Variants in CNTN2 observed in about 807,000 individuals in gnomAD.
CNTN2 encodes contactin-2.
A neutral mutation model predicts 117.5 loss-of-function variants in CNTN2; 53 were observed. The ratio of observed to expected loss-of-function variants is 0.45; its 90% CI spans 0.36 to 0.57. The LOEUF (loss-of-function observed/expected upper bound fraction) is 0.57. Ranked by LOEUF, CNTN2 falls within the 20% of genes least tolerant of loss-of-function variation. The probability of loss-of-function intolerance (pLI) is 0.00; values close to 1 mark genes in which losing one functional copy is unlikely to be tolerated. For missense variants in CNTN2, 1,106 were observed against 1,404.3 expected (o/e 0.79, Z 3.39); for synonymous variants, 530 against 561.7 (o/e 0.94, Z 0.80).
At position 205,070,506 on chromosome 1, in the gene CNTN2, C is replaced by T; in HGVS notation, c.2512C>T (p.Gln838Ter). The change falls in exon 19 of 23, where the codon CAG becomes TAG. Residue 838 changes from glutamine (Q) to a stop codon, truncating the protein, a stop_gained. Coordinates refer to ENST00000331830, the MANE Select transcript of CNTN2 (RefSeq NM_005076.5). LOFTEE classifies it high-confidence loss of function. The stretch of plus-strand genomic sequence containing the variant: ...GAACGTGACCTGGGAACCCGTGCAG[C>T]AGGACATGAATGGTATCCTCCTGGG... ...EMNVTWEPVQ[Q>*]DMNGILLGYE... The T allele has an allele frequency of 6.2e-7, 1 of 1,613,940 alleles. No individual in the cohort carries two copies.
At chr1:205,064,901 C>T in intron 12 of CNTN2, 151 bp downstream of exon 12, 1 of 1,311,934 alleles carries the variant, frequency 7.6e-7, no homozygotes, top group Admixed American at 2.0e-5. Context: ...CTGGCCACCA[C>T]TGAGACTCTG....
In CNTN2 at chr1:205,058,255, T is replaced by C; in HGVS notation, c.290T>C (p.Ile97Thr). ...CAGCTGGTGGGGGGCAACCTGGTCA[T>C]CATGAACCCCACCAAGGCACAGGAT... ...RHQLVGGNLV[I>T]MNPTKAQDAG... The change falls in exon 4 of 23, where the codon ATC becomes ACC. Residue 97 changes from isoleucine to threonine, a missense_variant. Physicochemically the swap from Ile to Thr is moderately conservative, Grantham distance 89 (BLOSUM62 -1). Coordinates refer to ENST00000331830, the MANE Select transcript of CNTN2 (RefSeq NM_005076.5). The surrounding 1 kb of genome is among the most constrained non-coding windows in gnomAD (Gnocchi z 4.3). The C allele has an allele frequency of 6.4e-7, 1 of 1,552,084 alleles. No individual in the cohort carries two copies. The highest frequency in any genetic ancestry group is 1.3e-5 in the South Asian group (1 of 79,976).
intron 1 of CNTN2, among the ~76,000 whole-genome samples, chr1:205,050,472 G>A (rs899877128): frequency 3.3e-5 from 5 of 152,174 alleles, no homozygotes; most frequent in African/African-American, 9.7e-5. Flanking sequence ...ACATTCAATG[G>A]AAACCATACT....
At position 205,065,032 on chromosome 1, in the gene CNTN2, C is replaced by T. The variant is rs779014419; in HGVS notation, c.1520-55C>T. 17 of 1,583,278 alleles carry T rather than the reference C, an allele frequency of 1.1e-5. No individual in the cohort carries two copies. Among genetic ancestry groups the T allele is most frequent in the South Asian group, 5.6e-5 (5 of 88,538 alleles). ...AGCCTCTCAGCCTGCCCTGCGGACC[C>T]GGCCTGGGCCCATTTCCTCCCCCAT... On this transcript the variant is annotated intron_variant, in intron 12 of 22. Coordinates refer to ENST00000331830, the MANE Select transcript of CNTN2 (RefSeq NM_005076.5). This position sits in a 1 kb window ranked among gnomAD's most constrained non-coding sequence, Gnocchi z 4.1.
At chr1:205,049,895 G>A (rs2096449330) in intron 1 of CNTN2, among the ~76,000 whole-genome samples, 1 of 152,174 alleles carries the variant, frequency 6.6e-6, no homozygotes, top group East Asian at 1.9e-4. Flanking sequence ...GAAGGAGTCT[G>A]GAGCCCCATG....
chr1:205,065,947 C>A lies in CNTN2; in HGVS notation c.1816+38C>A, dbSNP rs1195021394. ...CCACCTCTACCCCTACCCCAACTCCCTTAAAACCCAGCTGGGCTGTTCTGA... is the reference window on the plus strand; with the variant it reads ...CCACCTCTACCCCTACCCCAACTCCATTAAAACCCAGCTGGGCTGTTCTGA... On this transcript the variant is annotated intron_variant, in intron 14 of 22. Coordinates refer to ENST00000331830, the MANE Select transcript of CNTN2 (RefSeq NM_005076.5). This position sits in a 1 kb window ranked among gnomAD's most constrained non-coding sequence, Gnocchi z 4.1. 1 of 1,576,260 alleles carries A rather than the reference C, an allele frequency of 6.3e-7. No individual in the cohort carries two copies.
rs1654764646 is a variant in CNTN2 at position 205,074,532 on chromosome 1, A to G, written c.*767A>G. ...GATGCCCTCTCAGCCAACACTGCCA[A>G]CCTGACCCTGTCATCCCGATTGACA... On this transcript the variant is annotated 3_prime_UTR_variant, in exon 23 of 23. Transcript: ENST00000331830. The G allele has an allele frequency of 1.0e-5, 4 of 397,954 alleles. No homozygotes were observed. Among genetic ancestry groups the G allele is most frequent in the African/African-American group, 6.2e-5 (3 of 48,532 alleles). The allele number at this position is 397,954 out of a possible 1,614,324, so 24.7% of individuals were successfully genotyped here.
Position 205,058,153 on chromosome 1 carries a change from G to T in CNTN2, c.216-28G>T, listed in dbSNP as rs372287943. The T allele has an allele frequency of 1.4e-4, 227 of 1,593,274 alleles. No individual in the cohort carries two copies. The highest frequency in any genetic ancestry group is 1.8e-4 in the Admixed American group (10 of 57,126). On this transcript the variant is annotated intron_variant, in intron 3 of 22. Transcript: ENST00000331830. This position sits in a 1 kb window ranked among gnomAD's most constrained non-coding sequence, Gnocchi z 4.3. Reference sequence around the variant, plus strand: ...GCCCTGCCACCAGGCAGGACTCAGAGGTCCCCTTCCTCTGTCCCCTGCTGC... The same window carrying T: ...GCCCTGCCACCAGGCAGGACTCAGATGTCCCCTTCCTCTGTCCCCTGCTGC...
chr1:205,049,445 C>G (rs904104909), intron 1 of CNTN2, among the ~76,000 whole-genome samples: 2 of 138,008 alleles, frequency 1.4e-5, no homozygotes, highest in Non-Finnish European at 3.1e-5. Context: ...CATATAGACA[C>G]AACAGATACC....
intron 7 of CNTN2, chr1:205,060,992 C>T (rs998038754): frequency 4.4e-6 from 2 of 458,702 alleles, no homozygotes; most frequent in Non-Finnish European, 3.9e-6. Context: ...CGCAGAAGCC[C>T]GGCTTCACTG....
intron 2 of CNTN2, among the ~76,000 whole-genome samples, chr1:205,056,737 C>T (rs1653653529): frequency 6.6e-6 from 1 of 152,206 alleles, no homozygotes; most frequent in African/African-American, 2.4e-5. Flanking sequence ...GCAAAACGGA[C>T]TGGCCCCACC....
At position 205,073,415 on chromosome 1, in the gene CNTN2, C is replaced by A. The variant is rs1654698147; in HGVS notation, c.3013+179C>A. 3.6e-6 allele frequency: 3 copies of A among 841,002 alleles called. No individual in the cohort carries two copies. In the African/African-American group the frequency reaches 5.1e-5, roughly 14 times the overall value. 52.1% of individuals were successfully genotyped at this position (841,002 alleles called of 1,614,324 possible). A position where few individuals can be genotyped will look rare whatever the true frequency, so the allele number is the denominator to read the frequency against. ...CCTCGCCGCCACCTTTCTACCCAGCCCCCAGAACATCCCCGAGGGCCAGGG... is the reference window on the plus strand; with the variant it reads ...CCTCGCCGCCACCTTTCTACCCAGCACCCAGAACATCCCCGAGGGCCAGGG... On this transcript the variant is annotated intron_variant, in intron 22 of 22. Transcript: ENST00000331830. The surrounding 1 kb of genome is among the most constrained non-coding windows in gnomAD (Gnocchi z 6.3).
Position 205,065,070 on chromosome 1 carries a change from C to T in CNTN2, c.1520-17C>T, listed in dbSNP as rs1302100288. ...TTTCCTCCCCCATCCACCCAAGGGC[C>T]TTGTTTTTCTTGGCAGATGCAACCA... On this transcript the variant is annotated splice_polypyrimidine_tract_variant and intron_variant, in intron 12 of 22. Transcript: ENST00000331830. The surrounding 1 kb of genome is among the most constrained non-coding windows in gnomAD (Gnocchi z 4.1). The T allele has an allele frequency of 5.0e-6, 8 of 1,613,588 alleles. No homozygotes were observed. Among genetic ancestry groups the T allele is most frequent in the East Asian group, 2.2e-5 (1 of 44,858 alleles).
Position 205,073,314 on chromosome 1 carries a change from A to C in CNTN2, c.3013+78A>C. 6.6e-7 allele frequency: 1 copy of C among 1,522,800 alleles called. No individual in the cohort carries two copies. The highest frequency in any genetic ancestry group is 9.0e-7 in the Non-Finnish European group (1 of 1,116,778). 94.3% of individuals were successfully genotyped at this position (1,522,800 alleles called of 1,614,324 possible). On this transcript the variant is annotated intron_variant, in intron 22 of 22. Coordinates refer to ENST00000331830, the MANE Select transcript of CNTN2 (RefSeq NM_005076.5). This position sits in a 1 kb window ranked among gnomAD's most constrained non-coding sequence, Gnocchi z 6.3. ...ATACCTGAGAGGATCATTCCCACCC[A>C]GGCCAACTCCAATCTCTACCCGCAA... is the stretch of plus-strand genomic sequence containing the variant.
rs534805810 is a variant in CNTN2 at position 205,061,608 on chromosome 1, A to G, written c.973+188A>G. ...AGTGCTGTGGTCACCTCAGAGCTTC[A>G]GTCAGGGGTGCAGAAAGCACACAGG... is the stretch of plus-strand genomic sequence containing the variant. On this transcript the variant is annotated intron_variant, in intron 8 of 22. Coordinates refer to ENST00000331830, the MANE Select transcript of CNTN2 (RefSeq NM_005076.5). This position sits in a 1 kb window ranked among gnomAD's most constrained non-coding sequence, Gnocchi z 4.8. 26 of 794,558 alleles carry G rather than the reference A, an allele frequency of 3.3e-5. No homozygotes were observed. The highest frequency in any genetic ancestry group is 3.2e-4 in the Admixed American group (10 of 31,710). 49.2% of individuals were successfully genotyped at this position (794,558 alleles called of 1,614,324 possible).
Position 205,065,036 on chromosome 1 carries a change from C to T in CNTN2, c.1520-51C>T. The T allele has an allele frequency of 6.3e-7, 1 of 1,594,600 alleles. No individual in the cohort carries two copies. The highest frequency in any genetic ancestry group is 8.6e-7 in the Non-Finnish European group (1 of 1,166,634). ...TCTCAGCCTGCCCTGCGGACCCGGCCTGGGCCCATTTCCTCCCCCATCCAC... is the reference window on the plus strand; with the variant it reads ...TCTCAGCCTGCCCTGCGGACCCGGCTTGGGCCCATTTCCTCCCCCATCCAC... On this transcript the variant is annotated intron_variant, in intron 12 of 22. Coordinates refer to ENST00000331830, the MANE Select transcript of CNTN2 (RefSeq NM_005076.5). This position sits in a 1 kb window ranked among gnomAD's most constrained non-coding sequence, Gnocchi z 4.1.
chr1:205,044,742 C>T lies in CNTN2; in HGVS notation c.-87+1348C>T, dbSNP rs2096438431. The stretch of plus-strand genomic sequence containing the variant: ...AGGGGCCGGATGAGCCACTGGAGAT[C>T]GAGTGCAGCAAAAGGTGGGCCACCT... On this transcript the variant is annotated intron_variant, in intron 1 of 22. Transcript: ENST00000331830. 1.3e-5 allele frequency among the ~76,000 whole-genome samples: 2 copies of T among 152,174 alleles called. 1 individual carries two copies. The highest frequency in any genetic ancestry group is 4.1e-4 in the South Asian group (2 of 4,830).
In CNTN2 at chr1:205,070,024, C is replaced by T. The variant is rs760185106; in HGVS notation, c.2394C>T (p.Pro798=). Residue 798 remains proline (P), a synonymous_variant, in exon 18 of 23, where the codon CCC becomes CCT. Coordinates refer to ENST00000331830, the MANE Select transcript of CNTN2 (RefSeq NM_005076.5). ...IRSYNRRGDG[P]ESLTALVYSA... ...GCTACAACCGCCGCGGGGATGGGCC[C>T]GAGAGCCTCACTGCACTCGTGTACT... 5.0e-6 allele frequency: 8 copies of T among 1,613,770 alleles called. No homozygotes were observed. The highest frequency in any genetic ancestry group is 2.2e-5 in the South Asian group (2 of 91,082).
chr1:205,072,301 C>A, intron 20 of CNTN2, 168 bp downstream of exon 20: 1 of 827,422 alleles, frequency 1.2e-6, no homozygotes, highest in Non-Finnish European at 1.9e-6. Flanking sequence ...ATTCATGGCC[C>A]CTGAAGCGTC....
Sources: gnomAD v4.1 joint callset for allele counts (sites outside exome capture counted in the v4.1 genomes callset) on GRCh38, gnomAD v4.1.1 for gene constraint, Gnocchi (gnomAD v3.1) non-coding constraint, MANE v1.5 for transcripts, NCBI Gene and HGNC (gene_info 2026-07-23, HGNC 2026-07-21) for gene names.